UBE3D: variants seen among roughly 807,000 people sequenced by gnomAD.
UBE3D encodes ubiquitin protein ligase E3D.
UBE3D carries 48 observed loss-of-function variants against 49.6 expected under a neutral mutation model. That is an observed-to-expected ratio of 0.97 (90% confidence interval 0.77 to 1.23). The LOEUF is 1.23. Ranked by LOEUF, UBE3D falls within the 50% of genes most tolerant of loss-of-function variation. The probability of loss-of-function intolerance (pLI) is 0.00; values close to 1 mark genes in which losing one functional copy is unlikely to be tolerated. For synonymous variants in UBE3D, 189 were observed against 174.2 expected (o/e 1.08, Z -0.67); for missense variants, 452 against 468.4 (o/e 0.96, Z 0.32).
chr6:83,000,913 C>T (rs183550747), intron 8 of UBE3D, among the ~76,000 whole-genome samples: 2 of 151,762 alleles, frequency 1.3e-5, no homozygotes, highest in East Asian at 1.9e-4. Flanking sequence ...GGGGCGCTCT[C>T]GGCTTACCGC....
At chr6:83,057,740 G>GAA in intron 2 of UBE3D, 86 bp downstream of exon 2, 1 of 1,407,234 alleles carries the variant, frequency 7.1e-7, no homozygotes, top group Non-Finnish European at 9.8e-7. Flanking sequence ...CTTCACCTGG[G>GAA]AAAAGTTCAA....
chr6:82,942,467 CT>C (rs1208411386), intron 9 of UBE3D, among the ~76,000 whole-genome samples: 1 of 152,228 alleles, frequency 6.6e-6, no homozygotes, highest in Admixed American at 6.5e-5. Flanking sequence ...GGAAAAATGT[CT>C]CCAGGGCATG....
chr6:82,892,115 A>G (rs1017086015), downstream of UBE3D, among the ~76,000 whole-genome samples: 1 of 152,234 alleles, frequency 6.6e-6, no homozygotes, highest in African/African-American at 2.4e-5. Context: ...ATTGAGCAGC[A>G]AGGATATTTG....
At chr6:82,948,966 C>A (rs1320954818) in intron 9 of UBE3D, among the ~76,000 whole-genome samples, 1 of 151,950 alleles carries the variant, frequency 6.6e-6, no homozygotes, top group South Asian at 2.1e-4. Context: ...TGAAACATGA[C>A]AAGGATGCCC....
At chr6:82,911,888 C>A (rs954415178) in intron 9 of UBE3D, among the ~76,000 whole-genome samples, 3 of 152,196 alleles carry the variant, frequency 2.0e-5, no homozygotes, top group African/African-American at 7.2e-5. Context: ...GCTGGACACT[C>A]TTCCTGTGCT....
At position 83,065,816 on chromosome 6, in the gene UBE3D, A is replaced by G; in HGVS notation, c.-98T>C. ...TTCCACGTGCGGACCAACCAGCGGC[A>G]GCCCCGCTGCGGCGCAGGCGCCTGT... On this transcript the variant is annotated 5_prime_UTR_variant, in exon 1 of 10. Coordinates refer to ENST00000369747, the MANE Select transcript of UBE3D (RefSeq NM_198920.3). 1 of 1,279,986 alleles carries G rather than the reference A, an allele frequency of 7.8e-7. No individual in the cohort carries two copies. Among genetic ancestry groups the G allele is most frequent in the East Asian group, 2.6e-5 (1 of 38,700 alleles). 79.3% of individuals were successfully genotyped at this position (1,279,986 alleles called of 1,614,324 possible). A position where few individuals can be genotyped will look rare whatever the true frequency, so the allele number is the denominator to read the frequency against.
At chr6:82,969,175 C>A (rs1777160792) in intron 8 of UBE3D, among the ~76,000 whole-genome samples, 1 of 123,874 alleles carries the variant, frequency 8.1e-6, no homozygotes, top group Non-Finnish European at 1.5e-5. Context: ...GAAAATGTGC[C>A]CAAGATATTT....
At chr6:83,021,737 C>T (rs1481463762) in intron 7 of UBE3D, among the ~76,000 whole-genome samples, 2 of 151,820 alleles carry the variant, frequency 1.3e-5, no homozygotes, top group Non-Finnish European at 2.9e-5. Context: ...GGCGTGGTGG[C>T]GGGCGCCTGT....
At position 83,019,047 on chromosome 6, in the gene UBE3D, G is replaced by C. The variant is rs780832472; in HGVS notation, c.936C>G (p.Phe312Leu). The C allele has an allele frequency of 2.4e-5, 38 of 1,613,768 alleles. No homozygotes were observed. The Admixed American group carries it at 6.3e-4, about 27-fold the overall frequency. The part of the protein sequence containing the change: ...IKKFPLLENT[F>L]KADSSSAWSA... ...TCCAGGCAGAACTAGAATCGGCTTT[G>C]AATGTGTTTTCCAACAAGGGGAATT... Residue 312 changes from phenylalanine (F) to leucine (L), a missense_variant, in exon 8 of 10, where the codon TTC becomes TTG. Phe to Leu is a conservative substitution (Grantham distance 22, BLOSUM62 0). Coordinates refer to ENST00000369747, the MANE Select transcript of UBE3D (RefSeq NM_198920.3).
chr6:82,976,974 T>C (rs1777764322), intron 8 of UBE3D, among the ~76,000 whole-genome samples: 1 of 151,356 alleles, frequency 6.6e-6, no homozygotes, highest in South Asian at 2.1e-4. Context: ...ATTAGCCAGG[T>C]GTTGTGGCAG....
intron 8 of UBE3D, among the ~76,000 whole-genome samples, chr6:83,014,742 A>G (rs1160518691): frequency 6.6e-6 from 1 of 152,188 alleles, no homozygotes; most frequent in East Asian, 1.9e-4. Flanking sequence ...GATTCACAGC[A>G]TAAATTGTCA....
At chr6:83,025,331 A>T (rs1382958603) in intron 5 of UBE3D, among the ~76,000 whole-genome samples, 1 of 152,238 alleles carries the variant, frequency 6.6e-6, no homozygotes, top group Non-Finnish European at 1.5e-5. Flanking sequence ...ATTTAAATAG[A>T]AATTTAATAG....
chr6:83,039,788 C>T (rs1782524439), intron 4 of UBE3D, among the ~76,000 whole-genome samples: 1 of 152,060 alleles, frequency 6.6e-6, no homozygotes, highest in African/African-American at 2.4e-5. Flanking sequence ...GGATTACAGG[C>T]ACCTGCCACC....
At chr6:82,982,783 G>C (rs1181754062) in intron 8 of UBE3D, among the ~76,000 whole-genome samples, 1 of 152,110 alleles carries the variant, frequency 6.6e-6, no homozygotes, top group Non-Finnish European at 1.5e-5. Context: ...TCAGAAAATG[G>C]TGTTAGCCCA....
chr6:82,946,256 C>T (rs1030718144), intron 9 of UBE3D, among the ~76,000 whole-genome samples: 1 of 152,046 alleles, frequency 6.6e-6, no homozygotes, highest in Non-Finnish European at 1.5e-5. Flanking sequence ...CCTAAAAGCA[C>T]CAACAGAAAA....
intron 9 of UBE3D, among the ~76,000 whole-genome samples, chr6:82,946,811 G>A (rs1775437817): frequency 6.6e-6 from 1 of 151,798 alleles, no homozygotes; most frequent in African/African-American, 2.4e-5. Flanking sequence ...CTTTTTGCTT[G>A]TTTGTTTATG....
intron 7 of UBE3D, among the ~76,000 whole-genome samples, chr6:83,021,692 C>T (rs926974588): frequency 6.6e-6 from 1 of 151,322 alleles, no homozygotes; most frequent in African/African-American, 2.4e-5. Flanking sequence ...TGGTGAAACC[C>T]CGTCTCTACT....
rs111866937 is a variant in UBE3D at position 83,035,290 on chromosome 6, C to T, written c.667+3126G>A. 8.8e-3 allele frequency among the ~76,000 whole-genome samples: 1,339 copies of T among 152,232 alleles called. 17 individuals carry two copies. Among genetic ancestry groups the T allele is most frequent in the African/African-American group, 0.03 (1,265 of 41,532 alleles). The stretch of plus-strand genomic sequence containing the variant: ...TCCTTACCCTGGGACTTCCTTATCC[C>T]GCTCTCCTTTATTGTACACCTTGTT... On this transcript the variant is annotated intron_variant, in intron 5 of 9. Transcript: ENST00000369747.
chr6:83,010,658 A>G (rs1281964768), intron 8 of UBE3D, among the ~76,000 whole-genome samples: 3 of 152,214 alleles, frequency 2.0e-5, no homozygotes, highest in Admixed American at 6.5e-5. Context: ...GGCCATCTGT[A>G]AGCTGAGGAG....
Sources: gnomAD v4.1 joint callset for allele counts (sites outside exome capture counted in the v4.1 genomes callset) on GRCh38, gnomAD v4.1.1 for gene constraint, MANE v1.5 for transcripts, NCBI Gene and HGNC (gene_info 2026-07-23, HGNC 2026-07-21) for gene names.